The following ARFIP1 variants were observed in gnomAD, a reference collection of about 807,000 sequenced individuals.
ARFIP1 encodes arfaptin-1.
Under a neutral mutation model 42.5 loss-of-function variants are expected in ARFIP1, and 24 were observed. The ratio of observed to expected loss-of-function variants is 0.57; its 90% CI spans 0.41 to 0.80. The LOEUF is 0.80. Among genes scored for constraint, ARFIP1 ranks in the 30% least tolerant of loss-of-function variants. The pLI is 0.00. For synonymous variants in ARFIP1, 141 were observed against 153.7 expected (o/e 0.92, Z 0.61); for missense variants, 354 against 434.0 (o/e 0.82, Z 1.64).
intron 3 of ARFIP1, among the ~76,000 whole-genome samples, chr4:152,869,466 T>C (rs1467278328): frequency 2.0e-5 from 3 of 151,808 alleles, no homozygotes; most frequent in Admixed American, 2.0e-4. Flanking sequence ...TTTTTTTTAA[T>C]TGAGACAGAG....
chr4:152,796,166 C>T, intron 1 of ARFIP1: 1 of 756,234 alleles, frequency 1.3e-6, no homozygotes, highest in Non-Finnish European at 2.5e-6. Context: ...ACAAGGCCCA[C>T]TTCACTCACA....
chr4:152,853,447 T>A (rs940203546), intron 2 of ARFIP1, among the ~76,000 whole-genome samples: 4 of 152,220 alleles, frequency 2.6e-5, no homozygotes, highest in African/African-American at 9.6e-5. Context: ...TATCCTTGGC[T>A]GGACAGTTTT....
At chr4:152,852,189 A>G (rs921802122) in intron 2 of ARFIP1, among the ~76,000 whole-genome samples, 1 of 152,220 alleles carries the variant, frequency 6.6e-6, no homozygotes, top group Non-Finnish European at 1.5e-5. Flanking sequence ...GCAACATAAA[A>G]ATGCAAATTA....
At chr4:152,839,383 T>C (rs1039469160) in intron 2 of ARFIP1, among the ~76,000 whole-genome samples, 2 of 152,196 alleles carry the variant, frequency 1.3e-5, no homozygotes, top group African/African-American at 4.8e-5. Context: ...ATTTCTGGTA[T>C]AATTCTGCTG....
chr4:152,802,876 A>G (rs933517608), intron 1 of ARFIP1, among the ~76,000 whole-genome samples: 1 of 152,210 alleles, frequency 6.6e-6, no homozygotes, highest in African/African-American at 2.4e-5. Flanking sequence ...CTAAATTGTC[A>G]AATGTAAAGC....
intron 1 of ARFIP1, among the ~76,000 whole-genome samples, chr4:152,820,008 G>C (rs573533953): frequency 6.6e-6 from 1 of 152,244 alleles, no homozygotes; most frequent in South Asian, 2.1e-4. Flanking sequence ...TGTAACATCA[G>C]CATTCCTGCA....
chr4:152,866,339 A>C (rs866205043), intron 3 of ARFIP1, among the ~76,000 whole-genome samples: 2 of 152,236 alleles, frequency 1.3e-5, no homozygotes, highest in African/African-American at 4.8e-5. Flanking sequence ...TCTATTCCAC[A>C]AAACCGCCAT....
chr4:152,822,539 T>A (rs1730471322), intron 1 of ARFIP1, among the ~76,000 whole-genome samples: 1 of 151,832 alleles, frequency 6.6e-6, no homozygotes, highest in African/African-American at 2.4e-5. Flanking sequence ...AACACTGGAG[T>A]CAAGCTACAC....
At chr4:152,853,160 T>C (rs564351164) in intron 2 of ARFIP1, among the ~76,000 whole-genome samples, 14 of 152,362 alleles carry the variant, frequency 9.2e-5, no homozygotes, top group Admixed American at 7.2e-4. Flanking sequence ...TAATCTTTGT[T>C]CCTTTCTTTT....
chr4:152,846,381 G>A (rs1299720452), intron 2 of ARFIP1, among the ~76,000 whole-genome samples: 14 of 151,162 alleles, frequency 9.3e-5, no homozygotes, highest in Non-Finnish European at 1.3e-4. Flanking sequence ...GCACACACAC[G>A]CACACACACA....
chr4:152,819,292 C>T (rs1455916256), intron 1 of ARFIP1, among the ~76,000 whole-genome samples: 3 of 152,142 alleles, frequency 2.0e-5, no homozygotes, highest in East Asian at 1.9e-4. Flanking sequence ...CTATTGCCAT[C>T]GCCTGCATCA....
intron 1 of ARFIP1, among the ~76,000 whole-genome samples, chr4:152,803,461 G>A (rs1419147229): frequency 6.6e-6 from 1 of 152,024 alleles, no homozygotes; most frequent in Non-Finnish European, 1.5e-5. Context: ...CAGCATCTCT[G>A]GCCTCTGCCT....
intron 1 of ARFIP1, among the ~76,000 whole-genome samples, chr4:152,804,480 TATA>T (rs1357750434): frequency 1.1e-4 from 12 of 105,004 alleles, no homozygotes; most frequent in Admixed American, 9.1e-4. Flanking sequence ...ATATATAATA[TATA>T]TTATTTATAT....
intron 2 of ARFIP1, among the ~76,000 whole-genome samples, chr4:152,840,851 T>G (rs1732010477): frequency 6.6e-6 from 1 of 151,522 alleles, no homozygotes; most frequent in Non-Finnish European, 1.5e-5. Context: ...CCGGAGTAGC[T>G]GGGATTACAA....
intron 1 of ARFIP1, among the ~76,000 whole-genome samples, chr4:152,800,951 A>G (rs951387288): frequency 4.6e-5 from 7 of 152,144 alleles, no homozygotes; most frequent in Non-Finnish European, 7.4e-5. Context: ...ACTTGAACAA[A>G]AGCACAGATA....
At chr4:152,909,889 G>T (rs913651045) in intron 8 of ARFIP1, among the ~76,000 whole-genome samples, 175 bp from the exon 9 acceptor site, 6 of 152,116 alleles carry the variant, frequency 3.9e-5, no homozygotes, top group Admixed American at 6.5e-5. Flanking sequence ...GTCATCAAAG[G>T]TTCAGTGACC....
chr4:152,862,739 A>G (rs1578956334), intron 2 of ARFIP1, among the ~76,000 whole-genome samples: 1 of 152,188 alleles, frequency 6.6e-6, no homozygotes, highest in South Asian at 2.1e-4. Flanking sequence ...CCTTCATTTC[A>G]GTTTGATTTC....
chr4:152,904,064 T>A (rs1047352244), intron 8 of ARFIP1, among the ~76,000 whole-genome samples: 1 of 151,654 alleles, frequency 6.6e-6, no homozygotes, highest in Admixed American at 6.6e-5. Context: ...GTTATTTTTA[T>A]TTTTAAGTTC....
Position 152,804,261 on chromosome 4 carries a change from T to TTA in ARFIP1, c.-10+24041_-10+24042dup, listed in dbSNP as rs1260755938. Among the ~76,000 whole-genome samples the TTA allele has an allele frequency of 7.5e-5, 7 of 93,878 alleles. 2 individuals carry two copies. The highest frequency in any genetic ancestry group is 5.3e-4 in the East Asian group (2 of 3,754). 61.6% of individuals were successfully genotyped at this position (93,878 alleles called of 152,430 possible). On this transcript the variant is annotated intron_variant, in intron 1 of 8. Coordinates refer to ENST00000353617, the MANE Select transcript of ARFIP1 (RefSeq NM_001025595.3). ...TATATAATATATAATATAACATGTA[T>TTA]TATATATTATATATATAACATAACA...
Sources: allele counts gnomAD v4.1 joint callset (sites outside exome capture counted in the v4.1 genomes callset), GRCh38; gene constraint gnomAD v4.1.1; transcripts MANE v1.5; gene names NCBI Gene and HGNC (gene_info 2026-07-23, HGNC 2026-07-21).